TMTC1: variants seen among roughly 807,000 people sequenced by gnomAD.
TMTC1 encodes transmembrane O-mannosyltransferase targeting cadherins 1, also known as protein O-mannosyl-transferase TMTC1.
A neutral mutation model predicts 104.8 loss-of-function variants in TMTC1; 73 were observed. The observed-to-expected ratio is 0.70, with a 90% CI of 0.58 to 0.85. TMTC1 has a LOEUF of 0.85. Ranked by LOEUF, TMTC1 falls within the 40% of genes least tolerant of loss-of-function variation. TMTC1 has a pLI of 0.00. For synonymous variants in TMTC1, 434 were observed against 428.7 expected (o/e 1.01, Z -0.15); for missense variants, 1,035 against 1,096.1 (o/e 0.94, Z 0.79).
chr12:29,560,418 C>A (rs1200310349), intron 9 of TMTC1, among the ~76,000 whole-genome samples: 1 of 151,406 alleles, frequency 6.6e-6, no homozygotes, highest in East Asian at 1.9e-4. Context: ...GTTATATTGT[C>A]CAATCATTCT....
chr12:29,621,229 G>A (rs1327725903), intron 6 of TMTC1, among the ~76,000 whole-genome samples: 1 of 152,204 alleles, frequency 6.6e-6, no homozygotes, highest in Non-Finnish European at 1.5e-5. Context: ...TTACCATTCA[G>A]TATATTAAAA....
At chr12:29,638,681 G>C (rs771295199) in intron 5 of TMTC1, among the ~76,000 whole-genome samples, 1 of 152,168 alleles carries the variant, frequency 6.6e-6, no homozygotes, top group Non-Finnish European at 1.5e-5. Context: ...GATGCTGCCA[G>C]GGGGTTGGAG....
chr12:29,764,280 G>T lies in TMTC1; in HGVS notation c.480+3618C>A, dbSNP rs900638135. On this transcript the variant is annotated intron_variant, in intron 2 of 17. Coordinates refer to ENST00000539277, the MANE Select transcript of TMTC1 (RefSeq NM_001193451.2). ...GAAATTTCAAATTAGGAGTTAATTT[G>T]CTATAGAAACCTGTCTTTGGAATAC... Among the ~76,000 whole-genome samples, 5 of 152,302 alleles carry T rather than the reference G, an allele frequency of 3.3e-5. 1 individual carries two copies. Among genetic ancestry groups the T allele is most frequent in the South Asian group, 4.1e-4 (2 of 4,824 alleles).
chr12:29,658,126 C>T (rs548549297), intron 5 of TMTC1, among the ~76,000 whole-genome samples: 12 of 151,716 alleles, frequency 7.9e-5, no homozygotes, highest in South Asian at 2.1e-4. Flanking sequence ...AAACAAAAAA[C>T]GAAATCTAAC....
At chr12:29,665,900 T>C (rs1012989830) in intron 5 of TMTC1, among the ~76,000 whole-genome samples, 1 of 152,170 alleles carries the variant, frequency 6.6e-6, no homozygotes, top group Non-Finnish European at 1.5e-5. Context: ...AATTCTCCCT[T>C]ATTCATGATG....
At chr12:29,762,572 T>G (rs1370600716) in intron 2 of TMTC1, among the ~76,000 whole-genome samples, 1 of 152,274 alleles carries the variant, frequency 6.6e-6, no homozygotes, top group Non-Finnish European at 1.5e-5. Flanking sequence ...CACACACAGA[T>G]GGACTGACAG....
intron 5 of TMTC1, among the ~76,000 whole-genome samples, chr12:29,649,441 G>A (rs145069375): frequency 2.7e-4 from 41 of 152,340 alleles, no homozygotes; most frequent in African/African-American, 9.9e-4. Context: ...GAGAGAGGAG[G>A]TAAGTAAGAG....
At chr12:29,549,390 C>A (rs1945035039) in intron 10 of TMTC1, among the ~76,000 whole-genome samples, 2 of 151,908 alleles carry the variant, frequency 1.3e-5, no homozygotes, top group South Asian at 4.1e-4. Flanking sequence ...GAGGTGGAAA[C>A]TTACTGGAAG....
chr12:29,619,240 A>G (rs572471566), intron 6 of TMTC1, among the ~76,000 whole-genome samples: 2 of 152,336 alleles, frequency 1.3e-5, no homozygotes, highest in South Asian at 2.1e-4. Context: ...ACTTGTAAAA[A>G]TGTAATTGCC....
chr12:29,768,155 T>C (rs1943516634), intron 1 of TMTC1, 80 bp from the exon 2 acceptor site: 1 of 1,035,270 alleles, frequency 9.7e-7, no homozygotes, highest in Non-Finnish European at 1.4e-6. Flanking sequence ...ACGGAATCCA[T>C]CATTTAAAAA....
intron 6 of TMTC1, among the ~76,000 whole-genome samples, chr12:29,619,767 C>A (rs572249188): frequency 2.0e-5 from 3 of 152,186 alleles, no homozygotes; most frequent in Admixed American, 2.0e-4. Flanking sequence ...CCTTGATAAA[C>A]GTTCAGTCTT....
intron 5 of TMTC1, among the ~76,000 whole-genome samples, chr12:29,749,802 T>C (rs1444690866): frequency 2.6e-5 from 4 of 152,088 alleles, no homozygotes; most frequent in Non-Finnish European, 2.9e-5. Flanking sequence ...TGGAAATCCT[T>C]GTTTCCTTCC....
chr12:29,690,416 C>T (rs1941232484), intron 5 of TMTC1, among the ~76,000 whole-genome samples: 1 of 152,164 alleles, frequency 6.6e-6, no homozygotes, highest in African/African-American at 2.4e-5. Flanking sequence ...GCTTTAGCAC[C>T]TTATATATGA....
chr12:29,570,496 T>A (rs1031384331), intron 9 of TMTC1, among the ~76,000 whole-genome samples: 1 of 152,252 alleles, frequency 6.6e-6, no homozygotes, highest in African/African-American at 2.4e-5. Flanking sequence ...TTATAATTCT[T>A]GTAATATTTG....
At chr12:29,596,141 C>T (rs1001848018) in intron 7 of TMTC1, among the ~76,000 whole-genome samples, 26 of 151,950 alleles carry the variant, frequency 1.7e-4, no homozygotes, top group African/African-American at 7.2e-5. Flanking sequence ...CAAGTAGCTG[C>T]GATTACAGGC....
At chr12:29,619,108 G>A (rs896650889) in intron 6 of TMTC1, among the ~76,000 whole-genome samples, 1 of 152,130 alleles carries the variant, frequency 6.6e-6, no homozygotes, top group East Asian at 1.9e-4. Context: ...TGTTAGTGAT[G>A]TCTGATAACT....
At chr12:29,718,205 C>T (rs1942137100) in intron 5 of TMTC1, among the ~76,000 whole-genome samples, 1 of 152,150 alleles carries the variant, frequency 6.6e-6, no homozygotes, top group Admixed American at 6.5e-5. Flanking sequence ...AGGCAGAAAC[C>T]AGAAGGGAAC....
chr12:29,658,337 T>G (rs912903006), intron 5 of TMTC1: 5 of 152,196 alleles, frequency 3.3e-5, no homozygotes, highest in African/African-American at 1.2e-4. Context: ...TTTTAATTTT[T>G]TACAGTCCAC....
In TMTC1 at chr12:29,783,399, G is replaced by A. The variant is rs957238918; in HGVS notation, c.302+51C>T. On this transcript the variant is annotated intron_variant, in intron 1 of 17. Transcript: ENST00000539277. This position sits in a 1 kb window ranked among gnomAD's most constrained non-coding sequence, Gnocchi z 4.7. ...CGCAACTTCTCCCGGTCCGAGGGAC[G>A]GGCGGAGGGTAGAGGAGGCAGCGGC... 1.6e-6 allele frequency: 2 copies of A among 1,261,772 alleles called. No individual in the cohort carries two copies. The highest frequency in any genetic ancestry group is 4.1e-5 in the Admixed American group (1 of 24,386). 78.2% of individuals were successfully genotyped at this position (1,261,772 alleles called of 1,614,324 possible).
Sources: gnomAD v4.1 joint callset for allele counts (sites outside exome capture counted in the v4.1 genomes callset) on GRCh38, gnomAD v4.1.1 for gene constraint, Gnocchi (gnomAD v3.1) non-coding constraint, MANE v1.5 for transcripts, NCBI Gene and HGNC (gene_info 2026-07-23, HGNC 2026-07-21) for gene names.